Variants in OR1L8 observed in about 807,000 individuals in gnomAD.
OR1L8 encodes olfactory receptor family 1 subfamily L member 8.
For synonymous variants in OR1L8, 148 were observed against 147.0 expected, an observed-to-expected ratio of 1.01 and a Z score of -0.05; for missense variants, 330 against 377.4, an observed-to-expected ratio of 0.87 and a Z score of 1.04.
chr9:122,578,504 T>C (rs1829695245), intron 1 of OR1L8, 59 bp from the exon 2 acceptor site: 1 of 150,564 alleles, frequency 6.6e-6, no homozygotes, highest in African/African-American at 2.4e-5. Flanking sequence ...TGCACATGCA[T>C]GTTTATAGCA....
chr9:122,570,329 T>C (rs1022515893), intron 4 of OR1L8, among the ~76,000 whole-genome samples: 6 of 152,180 alleles, frequency 3.9e-5, no homozygotes, highest in Non-Finnish European at 7.3e-5. Flanking sequence ...CTCCACATCC[T>C]CTCCAGCATC....
intron 4 of OR1L8, among the ~76,000 whole-genome samples, chr9:122,570,930 A>G (rs1172430105): frequency 6.6e-6 from 1 of 152,218 alleles, no homozygotes; most frequent in East Asian, 1.9e-4. Context: ...TTTTACATAC[A>G]GGAGGCTTAG....
At chr9:122,574,758 T>C (rs1292571390) in intron 3 of OR1L8, among the ~76,000 whole-genome samples, 1 of 152,132 alleles carries the variant, frequency 6.6e-6, no homozygotes, top group Non-Finnish European at 1.5e-5. Flanking sequence ...AGCATTCTTA[T>C]CTTGTTCCTG....
At chr9:122,551,618 C>T in the OR1L8 span, among the ~76,000 whole-genome samples, 2 of 152,262 alleles carry the variant, frequency 1.3e-5, no homozygotes, top group East Asian at 3.9e-4. Context: ...ACTGCATTGC[C>T]AGCAAGAGGC....
chr9:122,568,444 C>A lies in OR1L8; in HGVS notation c.34G>T (p.Glu12Ter). Reference protein sequence around the residue: ...ERINHTSSVSEFILLGLSSRP... With the variant: ...ERINHTSSVS ...GAGGAGAGTCCCAGGAGGATAAACTCGGAGACACTGCTGGTGTGGTTGATT... is the reference window on the plus strand; with the variant it reads ...GAGGAGAGTCCCAGGAGGATAAACTAGGAGACACTGCTGGTGTGGTTGATT... The change falls in exon 5 of 5, where the codon GAG (glutamate) becomes TAG (stop). Residue 12 changes from glutamate to a stop codon, truncating the protein, a stop_gained. Coordinates refer to ENST00000641027, the MANE Select transcript of OR1L8 (RefSeq NM_001004454.2). LOFTEE classifies it low-confidence loss of function (END_TRUNC). 2.5e-6 allele frequency: 4 copies of A among 1,608,462 alleles called. No individual in the cohort carries two copies. The highest frequency in any genetic ancestry group is 3.4e-6 in the Non-Finnish European group (4 of 1,176,990).
chr9:122,581,512 A>C lies in OR1L8; in HGVS notation c.-600+1809T>G, dbSNP rs77808689. Among the ~76,000 whole-genome samples the C allele has an allele frequency of 6.2e-3, 951 of 152,348 alleles. 16 individuals carry two copies. Among genetic ancestry groups the C allele is most frequent in the African/African-American group, 0.021 (871 of 41,576 alleles). On this transcript the variant is annotated intron_variant, in intron 1 of 4. Transcript: ENST00000641027. ...GGACTCCTGTTTCTAGCAATTAGGC[A>C]AACTAAATGCATAGAACACATTTTC...
the OR1L8 span, chr9:122,553,236 C>T: frequency 6.2e-7 from 1 of 1,613,576 alleles, no homozygotes; most frequent in African/African-American, 1.3e-5. Context: ...CAGAGTGAAC[C>T]AAACCACTGT....
chr9:122,547,993 C>T, the OR1L8 span, among the ~76,000 whole-genome samples: 1 of 152,108 alleles, frequency 6.6e-6, no homozygotes, highest in Admixed American at 6.6e-5. Flanking sequence ...CTGACCGGTG[C>T]AAGATGATAT....
At chr9:122,578,256 C>G (rs1829689990) in intron 2 of OR1L8, 68 bp downstream of exon 2, 1 of 152,128 alleles carries the variant, frequency 6.6e-6, no homozygotes, top group Non-Finnish European at 1.5e-5. Context: ...TGAGACCAGC[C>G]TGGCCTACAT....
downstream of OR1L8, among the ~76,000 whole-genome samples, chr9:122,566,545 T>G (rs1240098116): frequency 6.6e-6 from 1 of 152,200 alleles, no homozygotes; most frequent in Non-Finnish European, 1.5e-5. Flanking sequence ...TATTTGATTC[T>G]TTGAACATGC....
At chr9:122,553,387 A>G in the OR1L8 span, 1 of 1,613,960 alleles carries the variant, frequency 6.2e-7, no homozygotes, top group Non-Finnish European at 8.5e-7. Flanking sequence ...CCACACCTCC[A>G]TACTCCCATG....
At chr9:122,560,422 A>G in the OR1L8 span, among the ~76,000 whole-genome samples, 2 of 152,082 alleles carry the variant, frequency 1.3e-5, no homozygotes, top group East Asian at 1.9e-4. Flanking sequence ...TCTTCATAGT[A>G]TCGTTGGTCT....
chr9:122,563,363 T>A (rs1829381998), downstream of OR1L8, among the ~76,000 whole-genome samples: 1 of 152,230 alleles, frequency 6.6e-6, no homozygotes. Flanking sequence ...TGATTAGTGA[T>A]ACTGAGCATT....
chr9:122,573,877 A>G (rs929120090), intron 3 of OR1L8, among the ~76,000 whole-genome samples: 5 of 152,140 alleles, frequency 3.3e-5, no homozygotes, highest in African/African-American at 1.2e-4. Flanking sequence ...ACAGTTTTGC[A>G]TCTTATATTT....
In OR1L8 at chr9:122,567,698, A is replaced by G. The variant is rs1398429755; in HGVS notation, c.780T>C (p.Tyr260=). ...CAGCGTAGGTGGATGGGGGCTGTAA[A>G]TAGACACAGAAGATGCTTCCATAAA... is the stretch of plus-strand genomic sequence containing the variant. ...TLFYGSIFCV[Y]LQPPSTYAVK... The change falls in exon 5 of 5, where the codon TAT becomes TAC. Residue 260 remains tyrosine (Y), a synonymous_variant. Transcript: ENST00000641027. The G allele has an allele frequency of 6.2e-7, 1 of 1,614,150 alleles. No homozygotes were observed. Among genetic ancestry groups the G allele is most frequent in the Non-Finnish European group, 8.5e-7 (1 of 1,180,028 alleles).
downstream of OR1L8, among the ~76,000 whole-genome samples, chr9:122,566,359 T>A (rs10513407): frequency 0.27 from 41,456 of 152,104 alleles, 5,831 homozygotes; most frequent in Middle Eastern, 0.34. Context: ...TGTATAAAGA[T>A]GAGGAAATAT....
At chr9:122,553,890 G>C in the OR1L8 span, 2 of 1,613,932 alleles carry the variant, frequency 1.2e-6, no homozygotes, top group Admixed American at 1.7e-5. Flanking sequence ...CATTTTCTGG[G>C]CTGTGTTTGT....
intron 3 of OR1L8, among the ~76,000 whole-genome samples, chr9:122,574,154 G>T (rs1295380795): frequency 6.6e-6 from 1 of 152,016 alleles, no homozygotes; most frequent in African/African-American, 2.4e-5. Flanking sequence ...CCTCCAGTTT[G>T]TTTTTCTCCT....
chr9:122,546,313 G>A, the OR1L8 span, among the ~76,000 whole-genome samples: 1 of 152,172 alleles, frequency 6.6e-6, no homozygotes, highest in African/African-American at 2.4e-5. Context: ...CCTATTGAGA[G>A]ACAGAGCTTA....
Sources: gnomAD v4.1 joint callset for allele counts (sites outside exome capture counted in the v4.1 genomes callset) on GRCh38, gnomAD v4.1.1 for gene constraint, MANE v1.5 for transcripts, NCBI Gene and HGNC (gene_info 2026-07-23, HGNC 2026-07-21) for gene names.